Variants in SLX4 observed in about 807,000 individuals in gnomAD.
SLX4 encodes SLX4 structure-specific endonuclease subunit, also known as structure-specific endonuclease subunit SLX4.
SLX4 carries 112 observed loss-of-function variants against 146.2 expected under a neutral mutation model. That is an observed-to-expected ratio of 0.77 (90% CI 0.66 to 0.90). The LOEUF (loss-of-function observed/expected upper bound fraction) is 0.90, where lower values mean the gene tolerates loss of function less well. SLX4 is among the 40% of genes least tolerant of loss of function. The probability of loss-of-function intolerance (pLI) is 0.00; values close to 1 mark genes in which losing one functional copy is unlikely to be tolerated. For missense variants in SLX4, 2,563 were observed against 2,392.7 expected (o/e 1.07, Z -1.49); for synonymous variants, 1,061 against 997.7 (o/e 1.06, Z -1.20).
At chr16:3,585,632 C>T (rs976304040) in intron 12 of SLX4, among the ~76,000 whole-genome samples, 1 of 149,434 alleles carries the variant, frequency 6.7e-6, no homozygotes, top group Non-Finnish European at 1.5e-5. Flanking sequence ...GACATTTCTC[C>T]AGAGAAGATC....
At chr16:3,596,023 C>T in intron 8 of SLX4, 130 bp downstream of exon 8, 1 of 1,348,078 alleles carries the variant, frequency 7.4e-7, no homozygotes, top group Non-Finnish European at 9.9e-7. Context: ...CGCCCAGAGG[C>T]TGCGTGTTCT....
In SLX4 at chr16:3,592,689, C is replaced by G; in HGVS notation, c.2327+10G>C. On this transcript the variant is annotated intron_variant, in intron 11 of 14. Coordinates refer to ENST00000294008, the MANE Select transcript of SLX4 (RefSeq NM_032444.4). ...TCAGTTAATTTCAAAAGCTGGGGAG[C>G]AATCCAGACCTGTGGGCCAGGGAGC... is the stretch of plus-strand genomic sequence containing the variant. 2 of 1,611,918 alleles carry G rather than the reference C, an allele frequency of 1.2e-6. No homozygotes were observed. Among genetic ancestry groups the G allele is most frequent in the South Asian group, 2.2e-5 (2 of 90,710 alleles).
chr16:3,589,343 G>A lies in SLX4; in HGVS notation c.4295C>T (p.Pro1432Leu), dbSNP rs1214854591. ...GTGGTCAATGGGAATTGGCGAGAGG[G>A]GCTCCATGTGCCAGCAGCAGTCGTC... Reference protein sequence around the residue: ...PIDDCCWHMEPLSPIPIDHWN... With the variant: ...PIDDCCWHMELLSPIPIDHWN... The change falls in exon 12 of 15, where the codon CCC becomes CTC. Residue 1432 changes from proline (P) to leucine (L), a missense_variant. Transcript: ENST00000294008. This position sits in a 1 kb window ranked among gnomAD's most constrained non-coding sequence, Gnocchi z 6.2. 3.2e-6 allele frequency: 5 copies of A among 1,579,254 alleles called. No homozygotes were observed. The Admixed American group carries it at 5.2e-5, about 16-fold the overall frequency.
At chr16:3,609,952 C>T (rs2040833186) in intron 1 of SLX4, among the ~76,000 whole-genome samples, 1 of 152,212 alleles carries the variant, frequency 6.6e-6, no homozygotes. Context: ...TCTGTAAATA[C>T]TGCAACATAA....
chr16:3,589,954 A>G lies in SLX4; in HGVS notation c.3684T>C (p.Ser1228=), dbSNP rs752040666. 1.2e-5 allele frequency: 19 copies of G among 1,613,620 alleles called. No individual in the cohort carries two copies. The Admixed American group carries it at 2.3e-4, about 20-fold the overall frequency. Residue 1228 remains serine, a synonymous_variant, in exon 12 of 15, where the codon TCT becomes TCC. Coordinates refer to ENST00000294008, the MANE Select transcript of SLX4 (RefSeq NM_032444.4). The surrounding 1 kb of genome is among the most constrained non-coding windows in gnomAD (Gnocchi z 6.2). ...DEGALPENRG[S]LGRRGAPWLF... is the part of the protein sequence containing the mutation. ...GCCAGGGAGCCCCTCTCCTGCCCAA[A>G]GAGCCCCGATTCTCCGGCAGCGCCC...
intron 2 of SLX4, among the ~76,000 whole-genome samples, chr16:3,606,987 C>G (rs753763194): frequency 6.6e-6 from 1 of 152,078 alleles, no homozygotes; most frequent in Non-Finnish European, 1.5e-5. Context: ...GGTGGTTGGA[C>G]AAGTCTGTGA....
In SLX4 at chr16:3,590,205, G is replaced by A. The variant is rs2040567057; in HGVS notation, c.3433C>T (p.Leu1145=). 1 of 1,614,096 alleles carries A rather than the reference G, an allele frequency of 6.2e-7. No homozygotes were observed. Among genetic ancestry groups the A allele is most frequent in the Admixed American group, 1.7e-5 (1 of 60,002 alleles). The change falls in exon 12 of 15, where the codon CTG becomes TTG. Residue 1145 remains leucine (L), a synonymous_variant. Transcript: ENST00000294008. The surrounding 1 kb of genome is among the most constrained non-coding windows in gnomAD (Gnocchi z 4.8). ...AGGATGACCTCATCTTCTTCGTTCA[G>A]TTTGGATGAAGATTTCTGAGATCTG... ...SSRSQKSSSK[L]NEEDEVILLL...
At position 3,590,027 on chromosome 16, in the gene SLX4, G is replaced by C. The variant is rs778379097; in HGVS notation, c.3611C>G (p.Ser1204Cys). Residue 1204 changes from serine to cysteine, a missense_variant, in exon 12 of 15, where the codon TCC becomes TGC. Physicochemically the swap from Ser to Cys is moderately radical, Grantham distance 112. Transcript: ENST00000294008. The surrounding 1 kb of genome is among the most constrained non-coding windows in gnomAD (Gnocchi z 4.8). ...IIDVDADQEP[S>C]QSPPRSEAVL... ...AGCTTCGCTTCTTGGTGGGCTCTGGGAAGGTTCCTGATCTGCATCAACATC... is the reference window on the plus strand; with the variant it reads ...AGCTTCGCTTCTTGGTGGGCTCTGGCAAGGTTCCTGATCTGCATCAACATC... 6.2e-7 allele frequency: 1 copy of C among 1,614,146 alleles called. No homozygotes were observed. The highest frequency in any genetic ancestry group is 8.5e-7 in the Non-Finnish European group (1 of 1,180,036).
intron 3 of SLX4, among the ~76,000 whole-genome samples, chr16:3,606,057 C>T (rs573835391): frequency 6.6e-6 from 1 of 151,386 alleles, no homozygotes; most frequent in East Asian, 1.9e-4. Context: ...GTCAGGAGTT[C>T]GAGACCAGCC....
chr16:3,595,374 C>G (rs968936766), intron 9 of SLX4, among the ~76,000 whole-genome samples: 4 of 152,236 alleles, frequency 2.6e-5, no homozygotes, highest in Admixed American at 6.5e-5. Flanking sequence ...GAGTCACAGA[C>G]AGAAAAGGCA....
In SLX4 at chr16:3,602,283, G is replaced by A; in HGVS notation, c.785C>T (p.Pro262Leu). ...GNVYGLGPPA[P>L]ESDAAVALTL... ...CAAGGCCACCGCAGCGTCGCTCTCT[G>A]GGGCAGGGGGCCCAAGCCCATACAC... Residue 262 changes from proline (P) to leucine (L), a missense_variant, in exon 4 of 15, where the codon CCA (proline) becomes CTA (leucine). Physicochemically the swap from Pro to Leu is moderately conservative, Grantham distance 98. Coordinates refer to ENST00000294008, the MANE Select transcript of SLX4 (RefSeq NM_032444.4). 3 of 1,614,062 alleles carry A rather than the reference G, an allele frequency of 1.9e-6. No homozygotes were observed. Among genetic ancestry groups the A allele is most frequent in the Non-Finnish European group, 2.5e-6 (3 of 1,180,042 alleles).
rs1442599009 is a variant in SLX4 at position 3,582,627 on chromosome 16, G to A, written c.5220C>T (p.Val1740=). The A allele has an allele frequency of 1.2e-6, 2 of 1,613,398 alleles. No homozygotes were observed. The highest frequency in any genetic ancestry group is 1.1e-5 in the South Asian group (1 of 91,090). ...CCTGCACGGCTGCCTGCGAGGCACT[G>A]ACCTCCCCCTCGCCCTCCTCTTCAC... is the stretch of plus-strand genomic sequence containing the variant. ...SAGEEEGEGE[V]SASQAAVQAA... The change falls in exon 15 of 15, where the codon GTC becomes GTT. Residue 1740 remains valine, a synonymous_variant. Coordinates refer to ENST00000294008, the MANE Select transcript of SLX4 (RefSeq NM_032444.4).
chr16:3,606,842 T>TACCAACAA, intron 2 of SLX4, 144 bp from the exon 3 acceptor site: 2 of 828,028 alleles, frequency 2.4e-6, no homozygotes, highest in Non-Finnish European at 4.0e-6. Context: ...GAGGACTGGT[T>TACCAACAA]GCTTGTTGGT....
At chr16:3,584,165 G>A (rs2040478463) in intron 13 of SLX4, among the ~76,000 whole-genome samples, 1 of 152,266 alleles carries the variant, frequency 6.6e-6, no homozygotes, top group East Asian at 1.9e-4. Context: ...GCTCACGCCT[G>A]TAATCCCAGC....
At position 3,590,411 on chromosome 16, in the gene SLX4, G is replaced by A. The variant is rs2151124004; in HGVS notation, c.3227C>T (p.Pro1076Leu). The change falls in exon 12 of 15, where the codon CCA (proline) becomes CTA (leucine). Residue 1076 changes from proline (P) to leucine (L), a missense_variant. Coordinates refer to ENST00000294008, the MANE Select transcript of SLX4 (RefSeq NM_032444.4). The surrounding 1 kb of genome is among the most constrained non-coding windows in gnomAD (Gnocchi z 4.8). ...SQVGSPTLLS[P>L]AVPSKQKRDR... ...CCTTTTCTGCTTTGATGGCACAGCT[G>A]GAGACAGCAAGGTTGGGGAGCCCAC... 2.5e-6 allele frequency: 4 copies of A among 1,614,222 alleles called. No homozygotes were observed. Among genetic ancestry groups the A allele is most frequent in the East Asian group, 2.2e-5 (1 of 44,872 alleles).
rs368102037 is a variant in SLX4 at position 3,583,332 on chromosome 16, C to G, written c.4918G>C (p.Gly1640Arg). ...ASQTYKPSRA[G>R]VHAQQEATTG... ...GTGGCCTCCTGCTGGGCATGGACCC[C>G]TGCCCTTGAAGGCTTGTAGGTCTGG... The change falls in exon 14 of 15, where the codon GGG becomes CGG. Residue 1640 changes from glycine to arginine, a missense_variant. Coordinates refer to ENST00000294008, the MANE Select transcript of SLX4 (RefSeq NM_032444.4). The G allele has an allele frequency of 1.2e-6, 2 of 1,613,972 alleles. No individual in the cohort carries two copies.
At position 3,602,013 on chromosome 16, in the gene SLX4, G is replaced by A. The variant is rs536298100; in HGVS notation, c.950+105C>T. The A allele has an allele frequency of 3.2e-4, 425 of 1,316,832 alleles. 6 individuals carry two copies. The South Asian group carries it at 3.6e-3, about 11-fold the overall frequency. The allele number at this position is 1,316,832 out of a possible 1,614,324, so 81.6% of individuals were successfully genotyped here. Reference sequence around the variant, plus strand: ...AGGGGTAGGTTGACAACAAAGCTGAGGTGCTGTTGTCATGGTAAGGTGTGG... The same window carrying A: ...AGGGGTAGGTTGACAACAAAGCTGAAGTGCTGTTGTCATGGTAAGGTGTGG... On this transcript the variant is annotated intron_variant, in intron 4 of 14. Transcript: ENST00000294008.
At chr16:3,584,678 G>A (rs549188582) in intron 13 of SLX4, 91 bp downstream of exon 13, 108 of 991,616 alleles carry the variant, frequency 1.1e-4, no homozygotes, top group Admixed American at 5.6e-4. Flanking sequence ...GAGACCACAC[G>A]GGGGGCCCTT....
chr16:3,602,434 CCA>C, intron 3 of SLX4, 127 bp from the exon 4 acceptor site: 2 of 1,088,518 alleles, frequency 1.8e-6, no homozygotes, highest in Middle Eastern at 4.0e-4. Flanking sequence ...GAACCCAGCT[CCA>C]CTCTGCAGGC....
Sources: gnomAD v4.1 joint callset for allele counts (sites outside exome capture counted in the v4.1 genomes callset) on GRCh38, gnomAD v4.1.1 for gene constraint, Gnocchi (gnomAD v3.1) non-coding constraint, MANE v1.5 for transcripts, NCBI Gene and HGNC (gene_info 2026-07-23, HGNC 2026-07-21) for gene names.